TSEN15: variants seen among roughly 807,000 people sequenced by gnomAD.
TSEN15 encodes the protein tRNA-splicing endonuclease subunit Sen15.
Under a neutral mutation model 20.5 loss-of-function variants are expected in TSEN15, and 10 were observed. The ratio of observed to expected loss-of-function variants is 0.49; its 90% CI spans 0.30 to 0.83. TSEN15 has a LOEUF of 0.83. TSEN15 is among the 40% of genes least tolerant of loss of function. TSEN15 has a pLI of 0.06. For missense variants in TSEN15, 180 were observed against 218.6 expected, an observed-to-expected ratio of 0.82 and a Z score of 1.11; for synonymous variants, 72 against 80.1, an observed-to-expected ratio of 0.90 and a Z score of 0.54.
chr1:184,085,509 A>C (rs1397728007), intron 3 of TSEN15, among the ~76,000 whole-genome samples: 4 of 152,220 alleles, frequency 2.6e-5, no homozygotes, highest in African/African-American at 9.6e-5. Context: ...TGCTATGAAG[A>C]ACATAAAGCA....
chr1:184,078,876 G>A (rs1232170878), downstream of TSEN15, among the ~76,000 whole-genome samples: 3 of 152,018 alleles, frequency 2.0e-5, no homozygotes, highest in Admixed American at 6.6e-5. Flanking sequence ...CTCTTTCTGA[G>A]TATTTCTGTT....
Position 184,054,729 on chromosome 1 carries a change from CA to C in TSEN15, c.223del (p.Ser75AlafsTer5). On this transcript the variant is annotated frameshift_variant and splice_region_variant, in exon 3 of 5. Coordinates refer to ENST00000645668, the MANE Select transcript of TSEN15 (RefSeq NM_052965.4). LOFTEE classifies it high-confidence loss of function. Reference sequence around the variant, plus strand: ...GTCCATTCAATGATGCTCTTTCAGGCAAAAGCTGGCATGAAGTAAACTGTGT... The same window carrying C: ...GTCCATTCAATGATGCTCTTTCAGGCAAAGCTGGCATGAAGTAAACTGTGT... ...FLVYLDLMES[K>X]SWHEVNCVGL... 1 of 1,610,692 alleles carries C rather than the reference CA, an allele frequency of 6.2e-7. No homozygotes were observed. Among genetic ancestry groups the C allele is most frequent in the South Asian group, 1.1e-5 (1 of 90,766 alleles).
chr1:184,083,417 A>G (rs1651206078), intron 3 of TSEN15, among the ~76,000 whole-genome samples: 1 of 152,226 alleles, frequency 6.6e-6, no homozygotes, highest in Non-Finnish European at 1.5e-5. Context: ...AAGTTTACTT[A>G]TTATTTGATT....
chr1:184,052,523 C>G (rs922383990), intron 1 of TSEN15, among the ~76,000 whole-genome samples: 6 of 152,072 alleles, frequency 3.9e-5, no homozygotes, highest in Non-Finnish European at 1.5e-5. Context: ...CGGTTCCAAG[C>G]AGTGAATAGA....
chr1:184,053,744 TA>T (rs1168751365), intron 1 of TSEN15, among the ~76,000 whole-genome samples: 55 of 152,292 alleles, frequency 3.6e-4, no homozygotes, highest in Middle Eastern at 3.4e-3. Flanking sequence ...CAATTCCTTT[TA>T]AAAAATCTAC....
chr1:184,079,626 T>C (rs1294958592), intron 3 of TSEN15, among the ~76,000 whole-genome samples: 2 of 152,154 alleles, frequency 1.3e-5, no homozygotes, highest in Non-Finnish European at 2.9e-5. Context: ...TGGCGGCATC[T>C]TTTCATCTTC....
intron 3 of TSEN15, chr1:184,071,934 C>T (rs780802247): frequency 4.1e-4 from 179 of 433,374 alleles, no homozygotes; most frequent in South Asian, 1.5e-3. Flanking sequence ...ATTTCTATAC[C>T]ATTCTCTTTC....
At chr1:184,091,564 A>G (rs901724517) in intron 3 of TSEN15, among the ~76,000 whole-genome samples, 1 of 152,094 alleles carries the variant, frequency 6.6e-6, no homozygotes, top group Non-Finnish European at 1.5e-5. Context: ...CTCTCCTTGC[A>G]TGTAGGTGTG....
chr1:184,062,168 C>T (rs1326889093), intron 3 of TSEN15, among the ~76,000 whole-genome samples: 1 of 151,952 alleles, frequency 6.6e-6, no homozygotes, highest in Non-Finnish European at 1.5e-5. Context: ...TTTCTTGTTT[C>T]TCTCATCTAA....
At chr1:184,079,317 T>C (rs1651120292) in intron 3 of TSEN15, among the ~76,000 whole-genome samples, 1 of 152,188 alleles carries the variant, frequency 6.6e-6, no homozygotes, top group Non-Finnish European at 1.5e-5. Flanking sequence ...ATAAGAAGTA[T>C]TTTATTAAAG....
exon 4 of TSEN15, chr1:184,095,869 T>A: frequency 2.5e-6 from 1 of 397,794 alleles, no homozygotes; most frequent in South Asian, 1.3e-4. Flanking sequence ...TATTTTGTTA[T>A]GACAGGCCTA....
Position 184,072,849 on chromosome 1 carries a change from A to G in TSEN15, c.*2A>G. 1.2e-6 allele frequency: 2 copies of G among 1,605,984 alleles called. No homozygotes were observed. The highest frequency in any genetic ancestry group is 1.1e-5 in the South Asian group (1 of 88,724). ...CAGAATATTTCTCTTAGAAGATGAC[A>G]TCCATGTTTCCTGATGCTTGTTTTA... On this transcript the variant is annotated 3_prime_UTR_variant, in exon 5 of 5. Coordinates refer to ENST00000645668, the MANE Select transcript of TSEN15 (RefSeq NM_052965.4).
rs1178137633 is a variant in TSEN15, at chr1:184,074,045, T to C, written c.*1198T>C. On this transcript the variant is annotated 3_prime_UTR_variant, in exon 5 of 5. Transcript: ENST00000645668. ...ATTGCAAGACGGAAAAGTGTATAAGTGGGTGTAATCATGGCTGAAATAACA... is the reference window on the plus strand; with the variant it reads ...ATTGCAAGACGGAAAAGTGTATAAGCGGGTGTAATCATGGCTGAAATAACA... 1 of 152,106 alleles carries C rather than the reference T, an allele frequency of 6.6e-6. No individual in the cohort carries two copies. The highest frequency in any genetic ancestry group is 1.9e-4 in the East Asian group (1 of 5,196). 9.4% of individuals were successfully genotyped at this position (152,106 alleles called of 1,614,324 possible).
rs1224068914 is a variant in TSEN15, at chr1:184,074,104, A to G, written c.*1257A>G. The G allele has an allele frequency of 3.3e-5, 5 of 152,174 alleles. No homozygotes were observed. The highest frequency in any genetic ancestry group is 5.9e-5 in the Non-Finnish European group (4 of 68,014). The allele number at this position is 152,174 out of a possible 1,614,324, so 9.4% of individuals were successfully genotyped here. A position where few individuals can be genotyped will look rare whatever the true frequency, so the allele number is the denominator to read the frequency against. The stretch of plus-strand genomic sequence containing the variant: ...ATATGATAAAAAGATAACAAAGTAA[A>G]TCAAATTACTAACTGGTTATAGTGG... On this transcript the variant is annotated 3_prime_UTR_variant, in exon 5 of 5. Coordinates refer to ENST00000645668, the MANE Select transcript of TSEN15 (RefSeq NM_052965.4).
chr1:184,059,053 ATTG>A (rs1223086208), intron 3 of TSEN15, among the ~76,000 whole-genome samples: 3 of 148,186 alleles, frequency 2.0e-5, no homozygotes, highest in African/African-American at 7.5e-5. Context: ...TTTTTTGGTA[ATTG>A]TTGGATGGAA....
chr1:184,085,083 T>C (rs1172454645), intron 3 of TSEN15, among the ~76,000 whole-genome samples: 1 of 152,130 alleles, frequency 6.6e-6, no homozygotes, highest in African/African-American at 2.4e-5. Context: ...GGGAGACTTA[T>C]ATCAAATAAG....
At chr1:184,059,139 T>C (rs1650355435) in intron 3 of TSEN15, among the ~76,000 whole-genome samples, 1 of 152,144 alleles carries the variant, frequency 6.6e-6, no homozygotes, top group South Asian at 2.1e-4. Context: ...TTCACTTATT[T>C]TGTAGCTAGA....
chr1:184,075,790 A>T (rs114407801), downstream of TSEN15, among the ~76,000 whole-genome samples: 3,403 of 151,994 alleles, frequency 0.022, 123 homozygotes, highest in African/African-American at 0.077. Flanking sequence ...CTCTAAAATT[A>T]TACTGACATT....
At chr1:184,055,514 C>T (rs1472454033) in intron 3 of TSEN15, among the ~76,000 whole-genome samples, 1 of 152,064 alleles carries the variant, frequency 6.6e-6, no homozygotes, top group Non-Finnish European at 1.5e-5. Context: ...TATTTATATT[C>T]TTGGTAAGGA....
Sources: gnomAD v4.1 joint callset for allele counts (sites outside exome capture counted in the v4.1 genomes callset) on GRCh38, gnomAD v4.1.1 for gene constraint, MANE v1.5 for transcripts, NCBI Gene and HGNC (gene_info 2026-07-23, HGNC 2026-07-21) for gene names.